FMNL1: variants seen among roughly 807,000 people sequenced by gnomAD.
FMNL1 encodes the protein formin like 1.
Under a neutral mutation model 121.3 loss-of-function variants are expected in FMNL1, and 43 were observed. The ratio of observed to expected loss-of-function variants is 0.35; its 90% confidence interval spans 0.28 to 0.46. FMNL1 has a LOEUF of 0.46. Among genes scored for constraint, FMNL1 ranks in the 20% least tolerant of loss-of-function variants. FMNL1 has a pLI of 1.00. For missense variants in FMNL1, 1,191 were observed against 1,482.4 expected, an observed-to-expected ratio of 0.80 and a Z score of 3.23; for synonymous variants, 613 against 613.5, an observed-to-expected ratio of 1.00 and a Z score of 0.01.
At chr17:45,226,308 GGT>G (rs2043328290) in intron 1 of FMNL1, among the ~76,000 whole-genome samples, 1 of 152,232 alleles carries the variant, frequency 6.6e-6, no homozygotes, top group Non-Finnish European at 1.5e-5. Flanking sequence ...CCTGAGAGAG[GGT>G]GTGCTGGTGG....
Position 45,231,235 on chromosome 17 carries a change from AGGGCTGCGGTC to A in FMNL1, c.213+551_213+561del, listed in dbSNP as rs1447060363. Among the ~76,000 whole-genome samples the A allele has an allele frequency of 6.6e-6, 1 of 152,134 alleles. No homozygotes were observed. Among genetic ancestry groups the A allele is most frequent in the African/African-American group, 2.4e-5 (1 of 41,424 alleles). On this transcript the variant is annotated intron_variant, in intron 2 of 26. Coordinates refer to ENST00000331495, the MANE Select transcript of FMNL1 (RefSeq NM_005892.4). This position sits in a 1 kb window ranked among gnomAD's most constrained non-coding sequence, Gnocchi z 4.7. Reference sequence around the variant, plus strand: ...AGCTGTCCCCACCCCTCCAGCTTCAAGGGCTGCGGTCGGCCATGGGCCGACCCTCTCCCAGC... The same window carrying A: ...AGCTGTCCCCACCCCTCCAGCTTCAAGGCCATGGGCCGACCCTCTCCCAGC...
chr17:45,234,085 A>G lies in FMNL1; in HGVS notation c.499A>G (p.Ser167Gly). ...AQCSVTYDMESTDNGASNSEK... is the reference protein window; with the variant it reads ...AQCSVTYDMEGTDNGASNSEK... ...TCCTGTCCCCAGGTATGACATGGAGAGCACAGACAACGGGGCTTCCAACTC... is the reference window on the plus strand; with the variant it reads ...TCCTGTCCCCAGGTATGACATGGAGGGCACAGACAACGGGGCTTCCAACTC... Residue 167 changes from serine to glycine, a missense_variant, in exon 6 of 27, where the codon AGC (serine) becomes GGC (glycine). Ser to Gly is a moderately conservative substitution (Grantham distance 56, BLOSUM62 0). This residue lies in a region of FMNL1 where 253 missense variants were observed against 417.5 expected (regional missense o/e 0.61). Transcript: ENST00000331495. 1.2e-6 allele frequency: 2 copies of G among 1,614,068 alleles called. No homozygotes were observed. The highest frequency in any genetic ancestry group is 8.5e-7 in the Non-Finnish European group (1 of 1,179,998).
At position 45,233,075 on chromosome 17, in the gene FMNL1, G is replaced by T; in HGVS notation, c.328-149G>T. On this transcript the variant is annotated intron_variant, in intron 3 of 26. Coordinates refer to ENST00000331495, the MANE Select transcript of FMNL1 (RefSeq NM_005892.4). This position sits in a 1 kb window ranked among gnomAD's most constrained non-coding sequence, Gnocchi z 4.1. ...TGTGAGTTCTTATTCTGCTGGGCAG[G>T]TGTGTGGAGGTGGTGGGGGAGGCTG... The T allele has an allele frequency of 1.4e-6, 1 of 735,130 alleles. No homozygotes were observed. The highest frequency in any genetic ancestry group is 1.7e-5 in the African/African-American group (1 of 57,774). The allele number at this position is 735,130 out of a possible 1,614,324, so 45.5% of individuals were successfully genotyped here.
At chr17:45,244,730 C>G in intron 19 of FMNL1, 89 bp from the exon 20 acceptor site, 1 of 1,406,776 alleles carries the variant, frequency 7.1e-7, no homozygotes, top group Non-Finnish European at 9.7e-7. Flanking sequence ...GGGCCTGCTC[C>G]TTGCCACCTC....
chr17:45,232,841 G>A (rs1007318396), intron 3 of FMNL1: 28 of 568,516 alleles, frequency 4.9e-5, no homozygotes, highest in Non-Finnish European at 8.7e-5. Flanking sequence ...GAGAGAGAGA[G>A]AATGTGTGTG....
intron 1 of FMNL1, among the ~76,000 whole-genome samples, chr17:45,226,163 G>C (rs1468406557): frequency 6.6e-6 from 1 of 152,226 alleles, no homozygotes; most frequent in Non-Finnish European, 1.5e-5. Flanking sequence ...CACCAGCAGT[G>C]GGGCCCAGAC....
intron 9 of FMNL1, 61 bp from the exon 10 acceptor site, chr17:45,238,503 C>T: frequency 1.9e-6 from 3 of 1,577,608 alleles, no homozygotes; most frequent in Admixed American, 1.7e-5. Context: ...GGTGTGGCAG[C>T]CAGAAGGTAG....
In FMNL1 at chr17:45,242,452, A is replaced by G. The variant is rs1428468465; in HGVS notation, c.1997A>G (p.Glu666Gly). 1 of 1,613,740 alleles carries G rather than the reference A, an allele frequency of 6.2e-7. No homozygotes were observed. The highest frequency in any genetic ancestry group is 1.1e-5 in the South Asian group (1 of 91,064). Residue 666 changes from glutamate (E) to glycine (G), a missense_variant, in exon 16 of 27, where the codon GAG becomes GGG. Coordinates refer to ENST00000331495, the MANE Select transcript of FMNL1 (RefSeq NM_005892.4). ...ACTGTCTTCACAGAGCTCAATGATG[A>G]GAAGGTGCTGCAGGTGAGTGGCCCT... ...TGTVFTELND[E>G]KVLQELDMSD... is the part of the protein sequence containing the mutation.
At chr17:45,239,261 T>G in intron 11 of FMNL1, 196 bp downstream of exon 11, 1 of 593,176 alleles carries the variant, frequency 1.7e-6, no homozygotes, top group Non-Finnish European at 3.0e-6. Context: ...AGGAGAATCA[T>G]AGAAGATAAT....
At chr17:45,235,430 C>G (rs2043529612) in intron 6 of FMNL1, among the ~76,000 whole-genome samples, 1 of 152,216 alleles carries the variant, frequency 6.6e-6, no homozygotes, top group Non-Finnish European at 1.5e-5. Context: ...AACAAAAACT[C>G]TGACATATTA....
chr17:45,237,579 C>T lies in FMNL1; in HGVS notation c.834C>T (p.Ala278=), dbSNP rs547963485. 123 of 1,614,174 alleles carry T rather than the reference C, an allele frequency of 7.6e-5. No homozygotes were observed. The Admixed American group carries it at 8.2e-4, about 11-fold the overall frequency. ...CTCTGGTGCTGGAGCTGCTGGCGGC[C>T]GTGTGCTTGGTGCGGGGAGGACATG... is the stretch of plus-strand genomic sequence containing the variant. ...TKALVLELLA[A]VCLVRGGHDI... Residue 278 remains alanine, a synonymous_variant, in exon 9 of 27, where the codon GCC becomes GCT. Coordinates refer to ENST00000331495, the MANE Select transcript of FMNL1 (RefSeq NM_005892.4). The surrounding 1 kb of genome is among the most constrained non-coding windows in gnomAD (Gnocchi z 4.4).
chr17:45,241,838 C>G lies in FMNL1; in HGVS notation c.1586-9C>G. ...GCGCCTCCCCCACGCCGCGCCCTCG[C>G]TGGCTCAGATCTCGCACCTGCAGCA... On this transcript the variant is annotated splice_polypyrimidine_tract_variant and intron_variant, in intron 14 of 26. Transcript: ENST00000331495. This position sits in a 1 kb window ranked among gnomAD's most constrained non-coding sequence, Gnocchi z 7.0. The G allele has an allele frequency of 7.0e-7, 1 of 1,426,786 alleles. No individual in the cohort carries two copies. Among genetic ancestry groups the G allele is most frequent in the Non-Finnish European group, 9.1e-7 (1 of 1,099,848 alleles). 88.4% of individuals were successfully genotyped at this position (1,426,786 alleles called of 1,614,324 possible).
At chr17:45,242,995 G>C (rs1033167776) in intron 16 of FMNL1, 123 bp from the exon 17 acceptor site, 11 of 1,058,000 alleles carry the variant, frequency 1.0e-5, no homozygotes, top group Admixed American at 2.0e-5. Context: ...GGTCAGGCTG[G>C]GTTACTGGTT....
chr17:45,222,383 TC>T, intron 1 of FMNL1, 130 bp downstream of exon 1: 1 of 773,290 alleles, frequency 1.3e-6, no homozygotes, highest in Non-Finnish European at 1.7e-6. Flanking sequence ...AGCTGCCCCC[TC>T]CAGGAGGTGG....
chr17:45,237,533 C>CA lies in FMNL1; in HGVS notation c.801-13_801-12insA. 6.2e-7 allele frequency: 1 copy of CA among 1,614,168 alleles called. No individual in the cohort carries two copies. The highest frequency in any genetic ancestry group is 8.5e-7 in the Non-Finnish European group (1 of 1,180,016). On this transcript the variant is annotated splice_polypyrimidine_tract_variant and intron_variant, in intron 8 of 26. Transcript: ENST00000331495. This position sits in a 1 kb window ranked among gnomAD's most constrained non-coding sequence, Gnocchi z 4.4. ...CCTGTTCTCAAGGGACAACCTGCCC[C>CA]TTCTCTCTCCAGAACCAAGGCTCTG...
chr17:45,246,264 A>C lies in FMNL1; in HGVS notation c.3145A>C (p.Arg1049=), dbSNP rs771937462. ...QMDLISELKR[R]QQKEPLIYES... is the part of the protein sequence containing the mutation. ...GGACCTCATCTCTGAGCTGAAACGGAGGCAGCAGAAGGAGCCACTCATTTA... is the reference window on the plus strand; with the variant it reads ...GGACCTCATCTCTGAGCTGAAACGGCGGCAGCAGAAGGAGCCACTCATTTA... The change falls in exon 25 of 27, where the codon AGG becomes CGG. Residue 1049 remains arginine (R), a synonymous_variant. Transcript: ENST00000331495. 1 of 1,613,984 alleles carries C rather than the reference A, an allele frequency of 6.2e-7. No homozygotes were observed. Among genetic ancestry groups the C allele is most frequent in the South Asian group, 1.1e-5 (1 of 91,084 alleles).
intron 10 of FMNL1, 136 bp from the exon 11 acceptor site, chr17:45,238,819 G>A (rs904141460): frequency 9.3e-7 from 1 of 1,074,286 alleles, no homozygotes; most frequent in Non-Finnish European, 1.4e-6. Context: ...GAGGTGAAAT[G>A]TTGGGCAGGC....
chr17:45,235,999 C>T (rs2043540973), intron 6 of FMNL1, 137 bp from the exon 7 acceptor site: 1 of 678,366 alleles, frequency 1.5e-6, no homozygotes, highest in East Asian at 2.8e-5. Context: ...CCTCAGCCAG[C>T]CTCTTTGGTT....
intron 16 of FMNL1, 25 bp downstream of exon 16, chr17:45,242,490 A>T: frequency 6.2e-7 from 1 of 1,606,078 alleles, no homozygotes; most frequent in Non-Finnish European, 8.5e-7. Context: ...CTGGCTCCCC[A>T]TGTGGGCACC....
Sources: allele counts gnomAD v4.1 joint callset (sites outside exome capture counted in the v4.1 genomes callset), GRCh38; gene constraint gnomAD v4.1.1; regional missense constraint gnomAD v4.1.1; non-coding constraint Gnocchi (gnomAD v3.1); transcripts MANE v1.5; gene names NCBI Gene and HGNC (gene_info 2026-07-23, HGNC 2026-07-21).